The following HES2 variants were observed in gnomAD, a reference collection of about 807,000 sequenced individuals.
HES2 encodes the protein transcription factor HES-2.
In HES2, 11 loss-of-function variants were observed where a neutral mutation model predicts 11.9. The observed-to-expected ratio is 0.92, with a 90% CI of 0.58 to 1.53. The LOEUF (loss-of-function observed/expected upper bound fraction) is 1.53, where lower values mean the gene tolerates loss of function less well. Ranked by LOEUF, HES2 falls within the 40% of genes most tolerant of loss-of-function variation. The pLI, the probability that HES2 is intolerant of heterozygous loss-of-function variation, is 0.00. For missense variants in HES2, 260 were observed against 253.8 expected (o/e 1.02, Z -0.16); for synonymous variants, 125 against 122.8 (o/e 1.02, Z -0.12).
Position 6,419,205 on chromosome 1 carries a change from G to A in HES2, c.241+36C>T. 1 of 1,595,426 alleles carries A rather than the reference G, an allele frequency of 6.3e-7. No individual in the cohort carries two copies. The highest frequency in any genetic ancestry group is 8.5e-7 in the Non-Finnish European group (1 of 1,175,082). ...CGGGGTAGGGTGCCGGGTGCGGGGT[G>A]CAGAGCGCGCGGCAGGGCAGGGAGG... is the stretch of plus-strand genomic sequence containing the variant. On this transcript the variant is annotated intron_variant, in intron 3 of 3. Coordinates refer to ENST00000377834, the MANE Select transcript of HES2 (RefSeq NM_019089.5). The surrounding 1 kb of genome is among the most constrained non-coding windows in gnomAD (Gnocchi z 8.1).
chr1:6,419,676 G>T lies in HES2; in HGVS notation c.72C>A (p.Arg24=). The stretch of plus-strand genomic sequence containing the variant: ...GGCTCTGGTTGATGCGCGCGCGCCG[G>T]CGCTTCTCCAGCAGCGGCTTCAGGC... The part of the protein sequence containing the change: ...RKSLKPLLEK[R]RRARINQSLS... Residue 24 remains arginine (R), a synonymous_variant, in exon 2 of 4, where the codon CGC becomes CGA. Transcript: ENST00000377834. The surrounding 1 kb of genome is among the most constrained non-coding windows in gnomAD (Gnocchi z 8.1). The T allele has an allele frequency of 6.4e-7, 1 of 1,556,346 alleles. No homozygotes were observed. The highest frequency in any genetic ancestry group is 1.9e-5 in the Admixed American group (1 of 52,728).
In HES2 at chr1:6,419,801, G is replaced by C; in HGVS notation, c.20C>G (p.Ala7Gly). Residue 7 changes from alanine to glycine, a missense_variant, in exon 1 of 4, where the codon GCA (alanine) becomes GGA (glycine). Physicochemically the swap from Ala to Gly is moderately conservative, Grantham distance 60. Transcript: ENST00000377834. This position sits in a 1 kb window ranked among gnomAD's most constrained non-coding sequence, Gnocchi z 8.1. ...CTTGCGCAGCTCCGCCGCGTCCCCT[G>C]CCCGGCGAGGCAGCCCCATGCTCCG... MGLPRR[A>G]GDAAELRKSL... The C allele has an allele frequency of 6.4e-7, 1 of 1,562,504 alleles. No homozygotes were observed. The highest frequency in any genetic ancestry group is 8.6e-7 in the Non-Finnish European group (1 of 1,159,170).
In HES2 at chr1:6,419,683, T is replaced by C. The variant is rs1642889954; in HGVS notation, c.65A>G (p.Glu22Gly). ...ELRKSLKPLL[E>G]KRRRARINQS... ...GTTGATGCGCGCGCGCCGGCGCTTCTCCAGCAGCGGCTTCAGGCTCTGCGG... is the reference window on the plus strand; with the variant it reads ...GTTGATGCGCGCGCGCCGGCGCTTCCCCAGCAGCGGCTTCAGGCTCTGCGG... Residue 22 changes from glutamate to glycine, a missense_variant, in exon 2 of 4, where the codon GAG (glutamate) becomes GGG (glycine). Transcript: ENST00000377834. This position sits in a 1 kb window ranked among gnomAD's most constrained non-coding sequence, Gnocchi z 8.1. The C allele has an allele frequency of 6.4e-7, 1 of 1,556,350 alleles. No homozygotes were observed. Among genetic ancestry groups the C allele is most frequent in the East Asian group, 2.4e-5 (1 of 41,342 alleles).
At position 6,418,694 on chromosome 1, in the gene HES2, A is replaced by G; in HGVS notation, c.*179T>C. The G allele has an allele frequency of 3.9e-6, 2 of 515,422 alleles. No individual in the cohort carries two copies. The highest frequency in any genetic ancestry group is 6.0e-6 in the Non-Finnish European group (2 of 333,742). The allele number at this position is 515,422 out of a possible 1,614,324, so 31.9% of individuals were successfully genotyped here. ...GACGCTCCTTTTATTCCCTGAGCCG[A>G]GCCCCAGCCCCAGGGCTTTCAGTCT... On this transcript the variant is annotated 3_prime_UTR_variant, in exon 4 of 4. Coordinates refer to ENST00000377834, the MANE Select transcript of HES2 (RefSeq NM_019089.5).
rs1272687788 is a variant in HES2, at chr1:6,418,906, A to AGGCGAGGGC, written c.480_488dup (p.Ser162_Pro164dup). 1 of 1,315,026 alleles carries AGGCGAGGGC rather than the reference A, an allele frequency of 7.6e-7. No homozygotes were observed. Among genetic ancestry groups the AGGCGAGGGC allele is most frequent in the South Asian group, 2.4e-5 (1 of 42,206 alleles). 81.5% of individuals were successfully genotyped at this position (1,315,026 alleles called of 1,614,324 possible). A position where few individuals can be genotyped will look rare whatever the true frequency, so the allele number is the denominator to read the frequency against. ...GCCGCCAGAGGCCAGGGCCGCAGGG[A>AGGCGAGGGC]GGCGAGGGCGGCGAGGGCACCGGAG... On this transcript the variant is annotated inframe_insertion, in exon 4 of 4. Coordinates refer to ENST00000377834, the MANE Select transcript of HES2 (RefSeq NM_019089.5).
rs1347315761 is a variant in HES2 at position 6,417,212 on chromosome 1, A to AT, written c.*1660dup. The AT allele has an allele frequency of 6.6e-6, 1 of 152,182 alleles. No individual in the cohort carries two copies. Among genetic ancestry groups the AT allele is most frequent in the Admixed American group, 6.5e-5 (1 of 15,278 alleles). The allele number at this position is 152,182 out of a possible 1,614,324, so 9.4% of individuals were successfully genotyped here. A position where few individuals can be genotyped will look rare whatever the true frequency, so the allele number is the denominator to read the frequency against. ...GCCTCACCCTGTTGGCTGAACAATG[A>AT]TTTTTTCAATAATGCCTACAGCTTC... On this transcript the variant is annotated 3_prime_UTR_variant, in exon 4 of 4. Coordinates refer to ENST00000377834, the MANE Select transcript of HES2 (RefSeq NM_019089.5).
Position 6,418,697 on chromosome 1 carries a change from C to T in HES2, c.*176G>A. 1.8e-6 allele frequency: 1 copy of T among 543,348 alleles called. No individual in the cohort carries two copies. Among genetic ancestry groups the T allele is most frequent in the Non-Finnish European group, 2.8e-6 (1 of 359,068 alleles). The allele number at this position is 543,348 out of a possible 1,614,324, so 33.7% of individuals were successfully genotyped here. A position where few individuals can be genotyped will look rare whatever the true frequency, so the allele number is the denominator to read the frequency against. ...GCTCCTTTTATTCCCTGAGCCGAGC[C>T]CCAGCCCCAGGGCTTTCAGTCTGCC... is the stretch of plus-strand genomic sequence containing the variant. On this transcript the variant is annotated 3_prime_UTR_variant, in exon 4 of 4. Coordinates refer to ENST00000377834, the MANE Select transcript of HES2 (RefSeq NM_019089.5).
rs538781907 is a variant in HES2 at position 6,419,219 on chromosome 1, A to T, written c.241+22T>A. The T allele has an allele frequency of 1.5e-5, 24 of 1,601,226 alleles. No individual in the cohort carries two copies. Among genetic ancestry groups the T allele is most frequent in the Middle Eastern group, 1.7e-4 (1 of 6,032 alleles). On this transcript the variant is annotated intron_variant, in intron 3 of 3. Transcript: ENST00000377834. This position sits in a 1 kb window ranked among gnomAD's most constrained non-coding sequence, Gnocchi z 8.1. ...GGGTGCGGGGTGCAGAGCGCGCGGC[A>T]GGGCAGGGAGGGCTCACTCACGGGG...
rs1185573888 is a variant in HES2, at chr1:6,418,156, C to A, written c.*717G>T. 6.6e-6 allele frequency: 1 copy of A among 152,248 alleles called. No individual in the cohort carries two copies. Among genetic ancestry groups the A allele is most frequent in the African/African-American group, 2.4e-5 (1 of 41,456 alleles). 9.4% of individuals were successfully genotyped at this position (152,248 alleles called of 1,614,324 possible). A position where few individuals can be genotyped will look rare whatever the true frequency, so the allele number is the denominator to read the frequency against. On this transcript the variant is annotated 3_prime_UTR_variant, in exon 4 of 4. Coordinates refer to ENST00000377834, the MANE Select transcript of HES2 (RefSeq NM_019089.5). Reference sequence around the variant, plus strand: ...TTCCTCACACTGAAAGACTGCATAGCCTGGGGTGCAATGCCCAGGTGTGAA... The same window carrying A: ...TTCCTCACACTGAAAGACTGCATAGACTGGGGTGCAATGCCCAGGTGTGAA...
At position 6,418,042 on chromosome 1, in the gene HES2, C is replaced by G. The variant is rs1642870479; in HGVS notation, c.*831G>C. The G allele has an allele frequency of 6.6e-6, 1 of 152,284 alleles. No individual in the cohort carries two copies. Among genetic ancestry groups the G allele is most frequent in the African/African-American group, 2.4e-5 (1 of 41,458 alleles). 9.4% of individuals were successfully genotyped at this position (152,284 alleles called of 1,614,324 possible). A position where few individuals can be genotyped will look rare whatever the true frequency, so the allele number is the denominator to read the frequency against. ...TCCATGGCAGGGGCCCTGCTCACCC[C>G]ACATTGGCACAGACTCTGCTGGAGT... On this transcript the variant is annotated 3_prime_UTR_variant, in exon 4 of 4. Coordinates refer to ENST00000377834, the MANE Select transcript of HES2 (RefSeq NM_019089.5).
rs932553383 is a variant in HES2 at position 6,419,815 on chromosome 1, C to G, written c.6G>C (p.Gly2=). 8 of 1,557,596 alleles carry G rather than the reference C, an allele frequency of 5.1e-6. No individual in the cohort carries two copies. Among genetic ancestry groups the G allele is most frequent in the East Asian group, 2.5e-5 (1 of 39,516 alleles). M[G]LPRRAGDAAE... ...CCGCGTCCCCTGCCCGGCGAGGCAG[C>G]CCCATGCTCCGCGGGGAAGCGGTGG... is the stretch of plus-strand genomic sequence containing the variant. The change falls in exon 1 of 4, where the codon GGG becomes GGC. Residue 2 remains glycine (G), a synonymous_variant. Transcript: ENST00000377834. The surrounding 1 kb of genome is among the most constrained non-coding windows in gnomAD (Gnocchi z 8.1).
At position 6,415,527 on chromosome 1, in the gene HES2, C is replaced by T. The variant is rs1054273; in HGVS notation, c.*3346G>A. 6.6e-6 allele frequency: 1 copy of T among 150,842 alleles called. No homozygotes were observed. Among genetic ancestry groups the T allele is most frequent in the African/African-American group, 2.5e-5 (1 of 40,728 alleles). The allele number at this position is 150,842 out of a possible 1,614,324, so 9.3% of individuals were successfully genotyped here. Reference sequence around the variant, plus strand: ...ACTCAGGATCCCAGACTGCAGGAGTCGTCTGGGATCACAGGCGGGGCAGAG... The same window carrying T: ...ACTCAGGATCCCAGACTGCAGGAGTTGTCTGGGATCACAGGCGGGGCAGAG... On this transcript the variant is annotated 3_prime_UTR_variant, in exon 4 of 4. Transcript: ENST00000377834.
chr1:6,415,873 G>C lies in HES2; in HGVS notation c.*3000C>G, dbSNP rs1440362172. 6.6e-6 allele frequency: 1 copy of C among 152,276 alleles called. No homozygotes were observed. Among genetic ancestry groups the C allele is most frequent in the Non-Finnish European group, 1.5e-5 (1 of 68,134 alleles). The allele number at this position is 152,276 out of a possible 1,614,324, so 9.4% of individuals were successfully genotyped here. A position where few individuals can be genotyped will look rare whatever the true frequency, so the allele number is the denominator to read the frequency against. ...GGCTCACTGCAACCTCCACCTCCTG[G>C]GTTCAACTGATTATCCCTCCTCAGC... is the stretch of plus-strand genomic sequence containing the variant. On this transcript the variant is annotated 3_prime_UTR_variant, in exon 4 of 4. Transcript: ENST00000377834.
rs757661625 is a variant in HES2 at position 6,419,766 on chromosome 1, C to T, written c.45+10G>A. On this transcript the variant is annotated intron_variant, in intron 1 of 3. Transcript: ENST00000377834. This position sits in a 1 kb window ranked among gnomAD's most constrained non-coding sequence, Gnocchi z 8.1. ...AGTCCCCAGCCCCGCCCCCAGTCCC[C>T]GGTACCCACCTTGCGCAGCTCCGCC... 5.1e-6 allele frequency: 8 copies of T among 1,563,906 alleles called. No homozygotes were observed. In the Admixed American group the frequency reaches 1.1e-4, roughly 21 times the overall value.
rs1463683892 is a variant in HES2, at chr1:6,418,982, C to T, written c.413G>A (p.Gly138Asp). 9 of 1,361,674 alleles carry T rather than the reference C, an allele frequency of 6.6e-6. No individual in the cohort carries two copies. In the South Asian group the frequency reaches 1.4e-4, roughly 22 times the overall value. 84.3% of individuals were successfully genotyped at this position (1,361,674 alleles called of 1,614,324 possible). Residue 138 changes from glycine (G) to aspartate (D), a missense_variant, in exon 4 of 4, where the codon GGC (glycine) becomes GAC (aspartate). Coordinates refer to ENST00000377834, the MANE Select transcript of HES2 (RefSeq NM_019089.5). ...LDGGRAGDSSGPSAPAPAPAS... is the reference protein window; with the variant it reads ...LDGGRAGDSSDPSAPAPAPAS... ...GGGCGCTGGGGCGGGGGCAGACGGG[C>T]CACTGGAATCCCCAGCGCGCCCGCC...
chr1:6,419,514 AC>A lies in HES2; in HGVS notation c.141+92del. ...GGCTCCGCCTCGGGCGCCGCGCGGA[AC>A]CCCCTGGTGGGTTCCTCCCGCAGGA... On this transcript the variant is annotated intron_variant, in intron 2 of 3. Transcript: ENST00000377834. The surrounding 1 kb of genome is among the most constrained non-coding windows in gnomAD (Gnocchi z 8.1). 1 of 1,256,804 alleles carries A rather than the reference AC, an allele frequency of 8.0e-7. No homozygotes were observed. 77.9% of individuals were successfully genotyped at this position (1,256,804 alleles called of 1,614,324 possible).
rs1388246410 is a variant in HES2 at position 6,418,414 on chromosome 1, C to G, written c.*459G>C. 6.3e-6 allele frequency: 1 copy of G among 159,814 alleles called. No homozygotes were observed. Among genetic ancestry groups the G allele is most frequent in the Admixed American group, 6.5e-5 (1 of 15,464 alleles). The allele number at this position is 159,814 out of a possible 1,614,324, so 9.9% of individuals were successfully genotyped here. A position where few individuals can be genotyped will look rare whatever the true frequency, so the allele number is the denominator to read the frequency against. On this transcript the variant is annotated 3_prime_UTR_variant, in exon 4 of 4. Coordinates refer to ENST00000377834, the MANE Select transcript of HES2 (RefSeq NM_019089.5). ...ACTGCTGCTGCATGCCCAGAGGGTC[C>G]CAAGCAGAGCTGGGCAGGAGGTAGG...
chr1:6,418,775 C>T lies in HES2; in HGVS notation c.*98G>A. 1 of 1,181,424 alleles carries T rather than the reference C, an allele frequency of 8.5e-7. No individual in the cohort carries two copies. Among genetic ancestry groups the T allele is most frequent in the Non-Finnish European group, 1.1e-6 (1 of 936,834 alleles). The allele number at this position is 1,181,424 out of a possible 1,614,324, so 73.2% of individuals were successfully genotyped here. The stretch of plus-strand genomic sequence containing the variant: ...GCCTGGGTGTGGGTACTGGGCTGGC[C>T]CCTAATGATGGGAACAGCAGCCGCC... On this transcript the variant is annotated 3_prime_UTR_variant, in exon 4 of 4. Transcript: ENST00000377834.
rs1557685331 is a variant in HES2, at chr1:6,419,497, C to T, written c.141+110G>A. The stretch of plus-strand genomic sequence containing the variant: ...CGCGCCCACCCCACCCAGGCTCCGC[C>T]TCGGGCGCCGCGCGGAACCCCCTGG... On this transcript the variant is annotated intron_variant, in intron 2 of 3. Coordinates refer to ENST00000377834, the MANE Select transcript of HES2 (RefSeq NM_019089.5). This position sits in a 1 kb window ranked among gnomAD's most constrained non-coding sequence, Gnocchi z 8.1. 2.5e-6 allele frequency: 3 copies of T among 1,216,760 alleles called. No individual in the cohort carries two copies. Among genetic ancestry groups the T allele is most frequent in the Non-Finnish European group, 3.3e-6 (3 of 898,074 alleles). 75.4% of individuals were successfully genotyped at this position (1,216,760 alleles called of 1,614,324 possible). A position where few individuals can be genotyped will look rare whatever the true frequency, so the allele number is the denominator to read the frequency against.
Sources: gnomAD v4.1 joint callset for allele counts on GRCh38, gnomAD v4.1.1 for gene constraint, Gnocchi (gnomAD v3.1) non-coding constraint, MANE v1.5 for transcripts, NCBI Gene and HGNC (gene_info 2026-07-23, HGNC 2026-07-21) for gene names.